Variants in POTEJ observed in about 807,000 individuals in gnomAD.
The protein encoded by POTEJ is POTE ankyrin domain family member J.
In POTEJ, 11 loss-of-function variants were observed where a neutral mutation model predicts 69.0. The ratio of observed to expected loss-of-function variants is 0.16; its 90% confidence interval spans 0.10 to 0.26. The LOEUF (loss-of-function observed/expected upper bound fraction) is 0.26, where lower values mean the gene tolerates loss of function less well. POTEJ is among the 10% of genes least tolerant of loss of function. POTEJ has a pLI of 1.00. For synonymous variants in POTEJ, 117 were observed against 381.1 expected (o/e 0.31, Z 8.07); for missense variants, 327 against 1,045.5 (o/e 0.31, Z 9.48).
rs1343745398 is a variant in POTEJ, at chr2:130,614,172, A to G, written c.410+2230A>G. On this transcript the variant is annotated intron_variant, in intron 1 of 14. Coordinates refer to ENST00000409602, the MANE Select transcript of POTEJ (RefSeq NM_001277083.2). ...ACTCCATCTCAAAAAAAAAAGAAAA[A>G]AAAAAAAAAAAGGAATGAAATACTG... is the stretch of plus-strand genomic sequence containing the variant. Among the ~76,000 whole-genome samples, 3 of 150,962 alleles carry G rather than the reference A, an allele frequency of 2.0e-5. 1 individual carries two copies. Among genetic ancestry groups the G allele is most frequent in the Non-Finnish European group, 3.0e-5 (2 of 67,764 alleles).
Position 130,656,852 on chromosome 2 carries a change from G to A in POTEJ, c.2092G>A (p.Val698Met), listed in dbSNP as rs761434672. Residue 698 changes from valine (V) to methionine (M), a missense_variant, in exon 15 of 15, where the codon GTG becomes ATG. Coordinates refer to ENST00000409602, the MANE Select transcript of POTEJ (RefSeq NM_001277083.2). ...DAPRAVFPSIVGCPRQQGMMG... is the reference protein window; with the variant it reads ...DAPRAVFPSIMGCPRQQGMMG... ...CCCCCGGGCTGTCTTCCCTTCCATCGTGGGGTGCCCCAGGCAGCAGGGCAT... is the reference window on the plus strand; with the variant it reads ...CCCCCGGGCTGTCTTCCCTTCCATCATGGGGTGCCCCAGGCAGCAGGGCAT... The A allele has an allele frequency of 6.9e-6, 11 of 1,586,974 alleles. 1 individual carries two copies. The highest frequency in any genetic ancestry group is 1.4e-5 in the African/African-American group (1 of 69,886).
intron 10 of POTEJ, among the ~76,000 whole-genome samples, chr2:130,639,317 G>T (rs1686244977): frequency 6.6e-6 from 1 of 152,310 alleles, no homozygotes; most frequent in South Asian, 2.1e-4. Flanking sequence ...GAACAGTGAA[G>T]CACAGGTCAT....
chr2:130,632,700 C>A (rs778796125), intron 9 of POTEJ, 44 bp downstream of exon 9: 55 of 661,270 alleles, frequency 8.3e-5, no homozygotes, highest in Non-Finnish European at 1.2e-4. Context: ...TATGTGCTGT[C>A]AAACTAACCC....
At chr2:130,620,017 T>C in intron 3 of POTEJ, 28 bp from the exon 4 acceptor site, 1 of 1,567,938 alleles carries the variant, frequency 6.4e-7, no homozygotes, top group Non-Finnish European at 8.7e-7. Flanking sequence ...TTGAATTACA[T>C]AGGTTTTTGC....
chr2:130,625,323 A>G (rs568757323), intron 6 of POTEJ, among the ~76,000 whole-genome samples: 2,286 of 151,448 alleles, frequency 0.015, no homozygotes, highest in Middle Eastern at 0.052. Context: ...TTTAGATAGT[A>G]ACCATTTTTC....
rs947295884 is a variant in POTEJ, at chr2:130,651,980, C to G, written c.1668-2941C>G. ...ATATTTTAAAAATAAGGATACCCCC[C>G]CCCAATAGTTTGGCTTTGTGTTTCT... On this transcript the variant is annotated intron_variant, in intron 13 of 14. Transcript: ENST00000409602. Among the ~76,000 whole-genome samples the G allele has an allele frequency of 3.0e-5, 4 of 133,272 alleles. 1 individual carries two copies. The highest frequency in any genetic ancestry group is 1.0e-4 in the African/African-American group (3 of 28,754). 87.4% of individuals were successfully genotyped at this position (133,272 alleles called of 152,430 possible). A position where few individuals can be genotyped will look rare whatever the true frequency, so the allele number is the denominator to read the frequency against.
intron 6 of POTEJ, among the ~76,000 whole-genome samples, chr2:130,626,725 A>T (rs527624295): frequency 6.6e-6 from 1 of 152,162 alleles, no homozygotes; most frequent in Non-Finnish European, 1.5e-5. Context: ...TTTCCTTGTC[A>T]TACATCCTTG....
chr2:130,625,488 C>T (rs1685673913), intron 6 of POTEJ, among the ~76,000 whole-genome samples: 1 of 151,876 alleles, frequency 6.6e-6, no homozygotes, highest in South Asian at 2.1e-4. Flanking sequence ...GATTATGTGC[C>T]AGACATATGA....
At chr2:130,626,649 T>C (rs1298823068) in intron 6 of POTEJ, among the ~76,000 whole-genome samples, 3 of 152,174 alleles carry the variant, frequency 2.0e-5, no homozygotes, top group Admixed American at 2.0e-4. Context: ...CTGGGATTGA[T>C]GGAAGGTTCT....
At chr2:130,637,737 A>T (rs538357459) in intron 9 of POTEJ, among the ~76,000 whole-genome samples, 74 of 152,302 alleles carry the variant, frequency 4.9e-4, no homozygotes, top group African/African-American at 1.7e-3. Flanking sequence ...TGGAACCTAA[A>T]AAAAAAAATA....
At chr2:130,612,638 C>G (rs1188302464) in intron 1 of POTEJ, among the ~76,000 whole-genome samples, 7 of 145,816 alleles carry the variant, frequency 4.8e-5, no homozygotes, top group Non-Finnish European at 9.1e-5. Flanking sequence ...TGGCAGGTGC[C>G]TGTAGTCCCA....
intron 9 of POTEJ, among the ~76,000 whole-genome samples, chr2:130,637,231 A>G (rs1686128105): frequency 1.3e-5 from 2 of 151,554 alleles, no homozygotes; most frequent in Admixed American, 1.3e-4. Context: ...TATTGTGGTT[A>G]TTCACTATTT....
At chr2:130,633,478 A>G (rs1685981036) in intron 9 of POTEJ, among the ~76,000 whole-genome samples, 1 of 132,254 alleles carries the variant, frequency 7.6e-6, no homozygotes, top group African/African-American at 3.0e-5. Context: ...CAATTTTCAT[A>G]CCCAGAAATT....
At chr2:130,641,806 C>T (rs193135978) in intron 10 of POTEJ, among the ~76,000 whole-genome samples, 1 of 152,210 alleles carries the variant, frequency 6.6e-6, no homozygotes, top group Non-Finnish European at 1.5e-5. Context: ...ACTAGTTTGA[C>T]TCTCAGTAAT....
chr2:130,625,472 T>C (rs1368044062), intron 6 of POTEJ, among the ~76,000 whole-genome samples: 1 of 151,948 alleles, frequency 6.6e-6, no homozygotes, highest in African/African-American at 2.4e-5. Flanking sequence ...TGATTTATTA[T>C]ATATTGATTA....
chr2:130,656,334 A>G (rs1490787758), intron 14 of POTEJ, among the ~76,000 whole-genome samples: 12 of 147,340 alleles, frequency 8.1e-5, no homozygotes, highest in African/African-American at 2.1e-4. Flanking sequence ...CAGATTCCTA[A>G]AAGTTTAAAT....
chr2:130,611,485 G>T lies in POTEJ; in HGVS notation c.-48G>T, dbSNP rs1238597126. 9 of 616,694 alleles carry T rather than the reference G, an allele frequency of 1.5e-5. No homozygotes were observed. The highest frequency in any genetic ancestry group is 9.0e-5 in the South Asian group (5 of 55,602). The allele number at this position is 616,694 out of a possible 1,614,324, so 38.2% of individuals were successfully genotyped here. ...TGCTAGTTGGTGAAACTGGTTGGTAGACGTGATCTGCTCGCTACTACCGGC... is the reference window on the plus strand; with the variant it reads ...TGCTAGTTGGTGAAACTGGTTGGTATACGTGATCTGCTCGCTACTACCGGC... On this transcript the variant is annotated 5_prime_UTR_variant, in exon 1 of 15. Coordinates refer to ENST00000409602, the MANE Select transcript of POTEJ (RefSeq NM_001277083.2).
intron 10 of POTEJ, among the ~76,000 whole-genome samples, chr2:130,639,123 G>C (rs1477684712): frequency 1.3e-5 from 2 of 152,294 alleles, no homozygotes; most frequent in Non-Finnish European, 2.9e-5. Context: ...TGAGCCATAA[G>C]GAGTGGCTGT....
At chr2:130,654,456 AC>A (rs1686914286) in intron 13 of POTEJ, among the ~76,000 whole-genome samples, 1 of 134,300 alleles carries the variant, frequency 7.4e-6, no homozygotes, top group African/African-American at 2.9e-5. Flanking sequence ...TGTGACCTGA[AC>A]CCTGTTGTAA....
Sources: gnomAD v4.1 joint callset for allele counts (sites outside exome capture counted in the v4.1 genomes callset) on GRCh38, gnomAD v4.1.1 for gene constraint, MANE v1.5 for transcripts, NCBI Gene and HGNC (gene_info 2026-07-23, HGNC 2026-07-21) for gene names.